The following SNX14 variants were observed in gnomAD, a reference collection of about 807,000 sequenced individuals.
The protein encoded by SNX14 is sorting nexin-14.
A neutral mutation model predicts 133.8 loss-of-function variants in SNX14; 93 were observed. The ratio of observed to expected loss-of-function variants is 0.70; its 90% CI spans 0.59 to 0.83. SNX14 has a LOEUF of 0.83. SNX14 is among the 40% of genes least tolerant of loss of function. The probability of loss-of-function intolerance (pLI) is 0.00; values close to 1 mark genes in which losing one functional copy is unlikely to be tolerated. For missense variants in SNX14, 945 were observed against 1,094.9 expected (o/e 0.86, Z 1.93); for synonymous variants, 368 against 365.6 (o/e 1.01, Z -0.07).
chr6:85,526,557 A>G (rs1217901667), intron 20 of SNX14, among the ~76,000 whole-genome samples: 1 of 152,234 alleles, frequency 6.6e-6, no homozygotes, highest in Admixed American at 6.5e-5. Flanking sequence ...ATTGTTATAT[A>G]AAGCATTTAG....
intron 5 of SNX14, 83 bp from the exon 6 acceptor site, chr6:85,565,502 T>C (rs1032507529): frequency 2.0e-6 from 2 of 990,194 alleles, no homozygotes; most frequent in Admixed American, 6.3e-5. Flanking sequence ...AATTTTCCTT[T>C]TTTCTGTTTA....
intron 12 of SNX14, among the ~76,000 whole-genome samples, chr6:85,545,668 A>G (rs550226961): frequency 1.3e-5 from 2 of 152,322 alleles, no homozygotes; most frequent in South Asian, 4.1e-4. Flanking sequence ...ACCACTCAGC[A>G]AAGAACAAAC....
rs761524302 is a variant in SNX14 at position 85,543,584 on chromosome 6, T to A, written c.1264+21A>T. 7 of 1,544,472 alleles carry A rather than the reference T, an allele frequency of 4.5e-6. No homozygotes were observed. The East Asian group carries it at 1.2e-4, about 26-fold the overall frequency. ...AACTGTAAGAGTGCTAAATAAGTCA[T>A]TCTTATCGTCTTTGACTTACTTCTT... On this transcript the variant is annotated intron_variant, in intron 13 of 28. Transcript: ENST00000314673.
At chr6:85,513,655 C>T in intron 26 of SNX14, 145 bp downstream of exon 26, 1 of 602,794 alleles carries the variant, frequency 1.7e-6, no homozygotes, top group Non-Finnish European at 2.8e-6. Flanking sequence ...AATTATTTAA[C>T]TAGTGTGTTA....
intron 1 of SNX14, among the ~76,000 whole-genome samples, chr6:85,592,237 TA>T (rs1390617014): frequency 3.9e-5 from 6 of 152,174 alleles, no homozygotes; most frequent in African/African-American, 1.4e-4. Flanking sequence ...CAATAATATT[TA>T]AACCAAGAAT....
chr6:85,508,085 T>C, intron 26 of SNX14, 26 bp from the exon 27 acceptor site: 1 of 1,603,502 alleles, frequency 6.2e-7, no homozygotes, highest in Middle Eastern at 1.7e-4. Flanking sequence ...AAATGTGAAA[T>C]AATTTTATAT....
intron 20 of SNX14, among the ~76,000 whole-genome samples, chr6:85,527,399 T>A (rs200781991): frequency 0.01 from 853 of 84,306 alleles, 6 homozygotes; most frequent in Admixed American, 0.016. Context: ...ATATATATAT[T>A]TTTTTTTCAA....
Position 85,543,656 on chromosome 6 carries a change from T to C in SNX14, c.1213A>G (p.Ser405Gly). 6.3e-7 allele frequency: 1 copy of C among 1,589,714 alleles called. No individual in the cohort carries two copies. The highest frequency in any genetic ancestry group is 8.6e-7 in the Non-Finnish European group (1 of 1,166,466). ...GGATCAAATCTAATTTTGTCAATACTTTCATCCAAACAGTATGTTTTATAA... is the reference window on the plus strand; with the variant it reads ...GGATCAAATCTAATTTTGTCAATACCTTCATCCAAACAGTATGTTTTATAA... The part of the protein sequence containing the change: ...KIYKTYCLDE[S>G]IDKIRFDPFI... The change falls in exon 13 of 29, where the codon AGT becomes GGT. Residue 405 changes from serine (S) to glycine (G), a missense_variant. Ser to Gly is a moderately conservative substitution (Grantham distance 56). Coordinates refer to ENST00000314673, the MANE Select transcript of SNX14 (RefSeq NM_153816.6).
At chr6:85,553,786 CAA>C (rs34112686) in intron 7 of SNX14, among the ~76,000 whole-genome samples, 10 of 136,434 alleles carry the variant, frequency 7.3e-5, no homozygotes, top group African/African-American at 8.2e-5. Context: ...ACTCCGTCTC[CAA>C]AAAAAAAAAA....
rs2128008274 is a variant in SNX14 at position 85,533,740 on chromosome 6, T to C, written c.1669A>G (p.Asn557Asp). The change falls in exon 18 of 29, where the codon AAT becomes GAT. Residue 557 changes from asparagine (N) to aspartate (D), a missense_variant. This residue lies in a region of SNX14 where 412 missense variants were observed against 516.6 expected (regional missense o/e 0.80). Transcript: ENST00000314673. ...CATGCAGCAAGGTTTCGGGGAGTAT[T>C]AGGTGTGCTCACAGCCTCCACTGGA... is the stretch of plus-strand genomic sequence containing the variant. ...DSPVEAVSTP[N>D]TPRNLAAWKI... The C allele has an allele frequency of 6.2e-7, 1 of 1,614,022 alleles. No homozygotes were observed. The highest frequency in any genetic ancestry group is 2.2e-5 in the East Asian group (1 of 44,872).
chr6:85,512,512 C>T (rs1269925146), intron 26 of SNX14, among the ~76,000 whole-genome samples: 1 of 151,732 alleles, frequency 6.6e-6, no homozygotes, highest in Non-Finnish European at 1.5e-5. Flanking sequence ...GTCCCAGCTA[C>T]TCGGGAGGCT....
chr6:85,526,285 A>T, intron 20 of SNX14, 48 bp from the exon 21 acceptor site: 1 of 1,148,374 alleles, frequency 8.7e-7, no homozygotes, highest in Admixed American at 2.4e-5. Flanking sequence ...AATCTAGAGG[A>T]GTAGTCAAAA....
intron 1 of SNX14, among the ~76,000 whole-genome samples, chr6:85,582,779 A>T (rs1287193356): frequency 1.3e-5 from 2 of 152,234 alleles, no homozygotes; most frequent in Non-Finnish European, 2.9e-5. Flanking sequence ...GGCAGTAATT[A>T]ATAGCCTACC....
chr6:85,521,729 C>G (rs1022620870), intron 21 of SNX14, among the ~76,000 whole-genome samples: 2 of 152,148 alleles, frequency 1.3e-5, no homozygotes, highest in African/African-American at 2.4e-5. Context: ...TACTTTTGCA[C>G]CAACCTAACA....
intron 21 of SNX14, among the ~76,000 whole-genome samples, chr6:85,518,572 C>T (rs1775826417): frequency 6.6e-6 from 1 of 152,040 alleles, no homozygotes; most frequent in South Asian, 2.1e-4. Context: ...CTCCAGCTTC[C>T]CTTAATTTGA....
intron 20 of SNX14, among the ~76,000 whole-genome samples, chr6:85,526,520 A>G (rs567015365): frequency 2.3e-4 from 35 of 152,184 alleles, no homozygotes; most frequent in Non-Finnish European, 4.4e-4. Flanking sequence ...TAACTTATAA[A>G]ATGAGAATAA....
At chr6:85,547,426 G>A (rs758175524) in intron 10 of SNX14, 29 bp from the exon 11 acceptor site, 3 of 1,609,120 alleles carry the variant, frequency 1.9e-6, no homozygotes, top group Non-Finnish European at 2.5e-6. Context: ...TATTAACTCA[G>A]TAAAATTCCC....
intron 7 of SNX14, among the ~76,000 whole-genome samples, chr6:85,556,701 C>A (rs1249589906): frequency 6.6e-6 from 1 of 152,034 alleles, no homozygotes; most frequent in African/African-American, 2.4e-5. Flanking sequence ...GAGCTGCCCA[C>A]CTCAGCCTCC....
At chr6:85,522,594 T>C (rs1464707213) in intron 21 of SNX14, among the ~76,000 whole-genome samples, 1 of 152,238 alleles carries the variant, frequency 6.6e-6, no homozygotes, top group Non-Finnish European at 1.5e-5. Context: ...TGCATACACA[T>C]ACTCTACTAG....
Sources: allele counts gnomAD v4.1 joint callset (sites outside exome capture counted in the v4.1 genomes callset), GRCh38; gene constraint gnomAD v4.1.1; regional missense constraint gnomAD v4.1.1; transcripts MANE v1.5; gene names NCBI Gene and HGNC (gene_info 2026-07-23, HGNC 2026-07-21).